Variants in FER observed in about 807,000 individuals in gnomAD.
FER encodes the protein FER tyrosine kinase.
Under a neutral mutation model 111.0 loss-of-function variants are expected in FER, and 63 were observed. The observed-to-expected ratio is 0.57, with a 90% CI of 0.46 to 0.70. The LOEUF (loss-of-function observed/expected upper bound fraction) is 0.70, where lower values mean the gene tolerates loss of function less well. Among genes scored for constraint, FER ranks in the 30% least tolerant of loss-of-function variants. FER has a pLI of 0.00. For synonymous variants in FER, 327 were observed against 313.9 expected (o/e 1.04, Z -0.44); for missense variants, 914 against 954.0 (o/e 0.96, Z 0.55).
intron 3 of FER, among the ~76,000 whole-genome samples, chr5:108,817,103 C>CA (rs70999913): frequency 0.11 from 6,548 of 58,994 alleles, 2,074 homozygotes; most frequent in East Asian, 0.22. Flanking sequence ...GACACTGTCT[C>CA]AAAAAAAAAA....
At chr5:108,888,772 A>T (rs930968939) in intron 9 of FER, among the ~76,000 whole-genome samples, 2 of 151,846 alleles carry the variant, frequency 1.3e-5, no homozygotes, top group African/African-American at 4.8e-5. Context: ...CATATATGAG[A>T]GATTATGTCA....
At chr5:108,884,228 A>C (rs1467899662) in intron 9 of FER, among the ~76,000 whole-genome samples, 8 of 151,804 alleles carry the variant, frequency 5.3e-5, no homozygotes. Context: ...ATTTATCAAG[A>C]CTCTCAAGGA....
At chr5:109,023,685 A>G (rs1282569504) in intron 13 of FER, among the ~76,000 whole-genome samples, 6 of 150,412 alleles carry the variant, frequency 4.0e-5, no homozygotes, top group African/African-American at 1.5e-4. Context: ...ATTTGCAAAC[A>G]TTTTCACTTT....
chr5:109,146,633 A>C (rs75595871), intron 17 of FER, among the ~76,000 whole-genome samples: 15,916 of 152,016 alleles, frequency 0.1, 848 homozygotes, highest in Non-Finnish European at 0.12. Flanking sequence ...TGAAGTACCT[A>C]TAAGACATCA....
rs576681055 is a variant in FER at position 109,114,723 on chromosome 5, G to C, written c.2048+14204G>C. ...ATAAAGCAGACTGGATTTGGATCATGGGCCATGTTTTTACAGACCCATACT... is the reference window on the plus strand; with the variant it reads ...ATAAAGCAGACTGGATTTGGATCATCGGCCATGTTTTTACAGACCCATACT... On this transcript the variant is annotated intron_variant, in intron 17 of 19. Transcript: ENST00000281092. 2.0e-5 allele frequency among the ~76,000 whole-genome samples: 3 copies of C among 152,052 alleles called. No homozygotes were observed. The East Asian group carries it at 5.8e-4, about 29-fold the overall frequency.
chr5:108,836,804 C>T (rs1760712329), intron 5 of FER, among the ~76,000 whole-genome samples: 1 of 151,606 alleles, frequency 6.6e-6, no homozygotes, highest in Admixed American at 6.6e-5. Context: ...TCTCCTTTTC[C>T]CCTCTTCTTT....
At chr5:109,068,294 C>T (rs954439396) in intron 16 of FER, among the ~76,000 whole-genome samples, 50 of 151,964 alleles carry the variant, frequency 3.3e-4, no homozygotes, top group African/African-American at 1.1e-3. Context: ...AGCAATTCTC[C>T]TGCCTCAGCC....
chr5:109,178,128 T>C (rs1460631671), intron 17 of FER, among the ~76,000 whole-genome samples: 3 of 152,224 alleles, frequency 2.0e-5, no homozygotes, highest in Non-Finnish European at 2.9e-5. Flanking sequence ...TTTTTCTGTC[T>C]CCTTTAATAC....
At chr5:109,158,670 C>G (rs749632291) in intron 17 of FER, among the ~76,000 whole-genome samples, 5 of 152,104 alleles carry the variant, frequency 3.3e-5, no homozygotes, top group Admixed American at 6.6e-5. Context: ...GCATTCGAGA[C>G]TCTCCAGAAT....
intron 13 of FER, among the ~76,000 whole-genome samples, chr5:108,983,793 A>G (rs1006544690): frequency 3.9e-5 from 6 of 152,154 alleles, no homozygotes; most frequent in African/African-American, 7.2e-5. Context: ...AGGTCAGCTA[A>G]AATGCACTAC....
intron 16 of FER, among the ~76,000 whole-genome samples, chr5:109,096,089 T>G (rs1016326932): frequency 6.6e-6 from 1 of 152,010 alleles, no homozygotes; most frequent in Non-Finnish European, 1.5e-5. Context: ...TGCATAATAA[T>G]CTCACTGAGT....
intron 5 of FER, among the ~76,000 whole-genome samples, chr5:108,848,656 T>C (rs1384352902): frequency 6.6e-6 from 1 of 152,088 alleles, no homozygotes; most frequent in East Asian, 1.9e-4. Context: ...TTACTTTTGC[T>C]TATGTTACAA....
intron 16 of FER, among the ~76,000 whole-genome samples, chr5:109,082,922 C>T (rs186755266): frequency 3.6e-4 from 54 of 152,000 alleles, no homozygotes; most frequent in Admixed American, 7.9e-4. Flanking sequence ...CCCCTTTACA[C>T]TTTTCTATTC....
chr5:108,754,231 C>T (rs551672313), intron 1 of FER, among the ~76,000 whole-genome samples: 4 of 151,878 alleles, frequency 2.6e-5, no homozygotes, highest in Non-Finnish European at 4.4e-5. Flanking sequence ...GGTAACATAA[C>T]GAGACGGCAC....
chr5:108,795,708 T>C (rs748878580), intron 2 of FER, among the ~76,000 whole-genome samples: 1 of 152,218 alleles, frequency 6.6e-6, no homozygotes, highest in Non-Finnish European at 1.5e-5. Context: ...TGTGCTTCAT[T>C]CTTTTTATTT....
Position 109,100,451 on chromosome 5 carries a change from G to A in FER, c.1980G>A (p.Gln660=). Residue 660 remains glutamine, a synonymous_variant, in exon 17 of 20, where the codon CAG becomes CAA. Transcript: ENST00000281092. ...RRKKDELKLK[Q]LVKFSLDAAA... ...AGAAGGATGAACTAAAACTCAAACA[G>A]TTAGTGAAATTTTCATTAGACGCTG... 2 of 1,611,470 alleles carry A rather than the reference G, an allele frequency of 1.2e-6. No individual in the cohort carries two copies. Among genetic ancestry groups the A allele is most frequent in the South Asian group, 1.1e-5 (1 of 90,994 alleles).
intron 13 of FER, among the ~76,000 whole-genome samples, chr5:109,034,564 C>T (rs1770100178): frequency 6.6e-6 from 1 of 151,970 alleles, no homozygotes; most frequent in Admixed American, 6.6e-5. Flanking sequence ...GCCCATAAAT[C>T]CTTGACATGG....
intron 2 of FER, among the ~76,000 whole-genome samples, chr5:108,782,963 A>T (rs913575718): frequency 1.3e-5 from 2 of 152,154 alleles, no homozygotes; most frequent in Admixed American, 1.3e-4. Flanking sequence ...GTTCTGTTTC[A>T]TTGATCTATT....
At chr5:108,994,079 T>C (rs1413013345) in intron 13 of FER, among the ~76,000 whole-genome samples, 1 of 152,234 alleles carries the variant, frequency 6.6e-6, no homozygotes, top group East Asian at 1.9e-4. Context: ...AGGTCGTCTG[T>C]TCACTCTGAT....
Sources: allele counts gnomAD v4.1 joint callset (sites outside exome capture counted in the v4.1 genomes callset), GRCh38; gene constraint gnomAD v4.1.1; transcripts MANE v1.5; gene names NCBI Gene and HGNC (gene_info 2026-07-23, HGNC 2026-07-21).